The following BRF1 variants were observed in gnomAD, a reference collection of about 807,000 sequenced individuals.
BRF1 encodes transcription factor IIIB 90 kDa subunit.
In BRF1, 59 loss-of-function variants were observed where a neutral mutation model predicts 81.7. That is an observed-to-expected ratio of 0.72 (90% CI 0.59 to 0.90). The LOEUF (loss-of-function observed/expected upper bound fraction) is 0.90. Among genes scored for constraint, BRF1 ranks in the 40% least tolerant of loss-of-function variants. The probability of loss-of-function intolerance (pLI) is 0.00; values close to 1 mark genes in which losing one functional copy is unlikely to be tolerated. For synonymous variants in BRF1, 491 were observed against 395.6 expected (o/e 1.24, Z -2.86); for missense variants, 1,050 against 936.3 (o/e 1.12, Z -1.58).
intron 2 of BRF1, among the ~76,000 whole-genome samples, chr14:105,278,290 A>G (rs2056926712): frequency 6.6e-6 from 1 of 152,026 alleles, no homozygotes; most frequent in Non-Finnish European, 1.5e-5. Flanking sequence ...CAACTGCTAA[A>G]ATAATCAGCC....
chr14:105,229,436 TA>T (rs1276565537), intron 6 of BRF1, among the ~76,000 whole-genome samples: 1 of 152,168 alleles, frequency 6.6e-6, no homozygotes, highest in East Asian at 1.9e-4. Context: ...GCCTGCCGGG[TA>T]GAGTGGACTC....
intron 1 of BRF1, among the ~76,000 whole-genome samples, chr14:105,292,380 TG>T (rs1244447322): frequency 2.0e-5 from 3 of 152,272 alleles, no homozygotes; most frequent in Admixed American, 6.5e-5. Context: ...TTTCTTGTTT[TG>T]TTTTTTTAGT....
At chr14:105,213,600 G>C (rs1389163391) in intron 15 of BRF1, among the ~76,000 whole-genome samples, 1 of 152,064 alleles carries the variant, frequency 6.6e-6, no homozygotes, top group Non-Finnish European at 1.5e-5. Context: ...GTGCTGTTAG[G>C]AGGGTGCGCT....
rs1377600647 is a variant in BRF1, at chr14:105,286,386, C to CA, written c.185-11dup. 5 of 1,610,132 alleles carry CA rather than the reference C, an allele frequency of 3.1e-6. No individual in the cohort carries two copies. Among genetic ancestry groups the CA allele is most frequent in the South Asian group, 2.2e-5 (2 of 90,180 alleles). On this transcript the variant is annotated splice_polypyrimidine_tract_variant and intron_variant, in intron 1 of 17. Transcript: ENST00000547530. Reference sequence around the variant, plus strand: ...GGGGTTTTGCCAGCACCTGGAAACACAAAAAAAGACAGATCAGCCAAAACT... The same window carrying CA: ...GGGGTTTTGCCAGCACCTGGAAACACAAAAAAAAGACAGATCAGCCAAAACT...
intron 1 of BRF1, among the ~76,000 whole-genome samples, chr14:105,289,698 C>T (rs1261976805): frequency 6.6e-6 from 1 of 152,040 alleles, no homozygotes; most frequent in African/African-American, 2.4e-5. Flanking sequence ...TGTAGTGGTG[C>T]GATCTCGGCT....
At position 105,228,970 on chromosome 14, in the gene BRF1, G is replaced by C. The variant is rs1331350780; in HGVS notation, c.695-57C>G. On this transcript the variant is annotated intron_variant, in intron 6 of 17. Transcript: ENST00000547530. Reference sequence around the variant, plus strand: ...ACGGCTGGGAACCAGGGCAACATCTGTGGCGGCCCAGGACAACACTGCGGA... The same window carrying C: ...ACGGCTGGGAACCAGGGCAACATCTCTGGCGGCCCAGGACAACACTGCGGA... 2.6e-6 allele frequency: 4 copies of C among 1,521,492 alleles called. No homozygotes were observed. In the East Asian group the frequency reaches 6.7e-5, roughly 26 times the overall value. The allele number at this position is 1,521,492 out of a possible 1,614,324, so 94.2% of individuals were successfully genotyped here.
rs1245167131 is a variant in BRF1, at chr14:105,300,623, C to T, written c.7G>A (p.Gly3Ser). Residue 3 changes from glycine to serine, a missense_variant, in exon 1 of 18, where the codon GGC (glycine) becomes AGC (serine). Gly to Ser is a moderately conservative substitution (Grantham distance 56). Coordinates refer to ENST00000547530, the MANE Select transcript of BRF1 (RefSeq NM_001519.4). ...CCGCCGCAACCGCGGCACACGCGGCCCGTCATGCCGGCGACCGCGCGGGCA... is the reference window on the plus strand; with the variant it reads ...CCGCCGCAACCGCGGCACACGCGGCTCGTCATGCCGGCGACCGCGCGGGCA... MTGRVCRGCGGTD... is the reference protein window; with the variant it reads MTSRVCRGCGGTD... The T allele has an allele frequency of 4.3e-5, 59 of 1,385,266 alleles. No homozygotes were observed. The highest frequency in any genetic ancestry group is 5.2e-5 in the Non-Finnish European group (56 of 1,079,668). The allele number at this position is 1,385,266 out of a possible 1,614,324, so 85.8% of individuals were successfully genotyped here.
At chr14:105,228,741 G>T in intron 7 of BRF1, 79 bp downstream of exon 7, 2 of 1,515,462 alleles carry the variant, frequency 1.3e-6, no homozygotes, top group Non-Finnish European at 1.8e-6. Flanking sequence ...GGGAGGTGGC[G>T]CCTGCTCTGG....
intron 1 of BRF1, among the ~76,000 whole-genome samples, chr14:105,290,562 G>A (rs587599713): frequency 6.6e-6 from 1 of 152,260 alleles, no homozygotes; most frequent in South Asian, 2.1e-4. Flanking sequence ...ACAGTGAGAT[G>A]CCACGTTAAA....
intron 5 of BRF1, 138 bp from the exon 6 acceptor site, chr14:105,241,552 G>A (rs891923071): frequency 1.8e-6 from 2 of 1,138,744 alleles, no homozygotes; most frequent in African/African-American, 1.5e-5. Context: ...CCCTCCCCTG[G>A]ACAAAGCCTC....
At chr14:105,248,844 G>A in intron 5 of BRF1, 1 of 990,440 alleles carries the variant, frequency 1.0e-6, no homozygotes, top group Non-Finnish European at 1.2e-6. Flanking sequence ...AGGCGCCGAG[G>A]CTGCCCCCGC....
intron 1 of BRF1, among the ~76,000 whole-genome samples, chr14:105,306,888 G>A (rs1396079915): frequency 6.6e-6 from 1 of 152,174 alleles, no homozygotes; most frequent in Non-Finnish European, 1.5e-5. Flanking sequence ...TTACAGGCGT[G>A]AGCCACCGTG....
At chr14:105,240,943 G>A (rs587666247) in intron 6 of BRF1, among the ~76,000 whole-genome samples, 32 of 152,324 alleles carry the variant, frequency 2.1e-4, no homozygotes, top group African/African-American at 7.2e-4. Flanking sequence ...ACCACTGTCC[G>A]CGTCAGAAGC....
chr14:105,264,437 G>T (rs1383779173), intron 3 of BRF1, among the ~76,000 whole-genome samples: 3 of 151,928 alleles, frequency 2.0e-5, no homozygotes, highest in Non-Finnish European at 4.4e-5. Context: ...GGCCGAGGTG[G>T]GCGGATCACG....
rs888318457 is a variant in BRF1 at position 105,284,208 on chromosome 14, C to G, written c.265+2088G>C. On this transcript the variant is annotated intron_variant, in intron 2 of 17. Coordinates refer to ENST00000547530, the MANE Select transcript of BRF1 (RefSeq NM_001519.4). The surrounding 1 kb of genome is among the most constrained non-coding windows in gnomAD (Gnocchi z 4.0). The stretch of plus-strand genomic sequence containing the variant: ...ACCCGGCCACGGCTCGAAGCATTTC[C>G]GAAGACTGAAATCACACAGAGGGTG... 2.6e-5 allele frequency among the ~76,000 whole-genome samples: 4 copies of G among 152,076 alleles called. No individual in the cohort carries two copies. Among genetic ancestry groups the G allele is most frequent in the Admixed American group, 6.6e-5 (1 of 15,262 alleles).
intron 6 of BRF1, among the ~76,000 whole-genome samples, chr14:105,241,012 A>T (rs956855090): frequency 6.6e-6 from 1 of 152,202 alleles, no homozygotes; most frequent in Non-Finnish European, 1.5e-5. Context: ...GAAGTAGGCA[A>T]CCTGGGGTCA....
chr14:105,259,911 C>CA lies in BRF1; in HGVS notation c.440-3363dup, dbSNP rs759265647. Among the ~76,000 whole-genome samples the CA allele has an allele frequency of 7.4e-3, 1,068 of 144,404 alleles. 7 individuals carry two copies. Among genetic ancestry groups the CA allele is most frequent in the East Asian group, 0.015 (74 of 5,012 alleles). 94.7% of individuals were successfully genotyped at this position (144,404 alleles called of 152,430 possible). ...GGGCGACAGAGCTACATTCTGTCAC[C>CA]AAAAAAAAAAGCATGTGAAGTGACA... On this transcript the variant is annotated intron_variant, in intron 3 of 17. Coordinates refer to ENST00000547530, the MANE Select transcript of BRF1 (RefSeq NM_001519.4).
rs768574561 is a variant in BRF1 at position 105,251,749 on chromosome 14, A to G, written c.544+758T>C. Among the ~76,000 whole-genome samples, 8 of 152,098 alleles carry G rather than the reference A, an allele frequency of 5.3e-5. No homozygotes were observed. The South Asian group carries it at 1.7e-3, about 32-fold the overall frequency. On this transcript the variant is annotated intron_variant, in intron 5 of 17. Transcript: ENST00000547530. ...TAAGAAAGGGGCCTCTAAGCGGGCC[A>G]TGGAAACCAGTCATCTGCTTGGTAA... is the stretch of plus-strand genomic sequence containing the variant.
intron 12 of BRF1, 50 bp downstream of exon 12, chr14:105,220,019 C>CA (rs1397965199): frequency 1.2e-6 from 2 of 1,600,498 alleles, no homozygotes; most frequent in Admixed American, 3.3e-5. Context: ...CCTTGGGCTG[C>CA]AGCGCCCTCC....
Sources: allele counts gnomAD v4.1 joint callset (sites outside exome capture counted in the v4.1 genomes callset), GRCh38; gene constraint gnomAD v4.1.1; non-coding constraint Gnocchi (gnomAD v3.1); transcripts MANE v1.5; gene names NCBI Gene and HGNC (gene_info 2026-07-23, HGNC 2026-07-21).